The following SGMS1 variants were observed in gnomAD, a reference collection of about 807,000 sequenced individuals.
SGMS1 encodes phosphatidylcholine:ceramide cholinephosphotransferase 1.
Under a neutral mutation model 46.2 loss-of-function variants are expected in SGMS1, and 13 were observed. That is an observed-to-expected ratio of 0.28 (90% CI 0.18 to 0.45). The LOEUF is 0.45. SGMS1 is among the 20% of genes least tolerant of loss of function. The probability of loss-of-function intolerance (pLI) is 1.00; values close to 1 mark genes in which losing one functional copy is unlikely to be tolerated. For missense variants in SGMS1, 324 were observed against 519.9 expected, an observed-to-expected ratio of 0.62 and a Z score of 3.66; for synonymous variants, 203 against 187.8, an observed-to-expected ratio of 1.08 and a Z score of -0.66.
At chr10:50,516,658 C>T (rs974238241) in intron 3 of SGMS1, among the ~76,000 whole-genome samples, 2 of 152,050 alleles carry the variant, frequency 1.3e-5, no homozygotes, top group African/African-American at 2.4e-5. Flanking sequence ...CACTCTTGCA[C>T]TATTTTCTTT....
intron 6 of SGMS1, among the ~76,000 whole-genome samples, chr10:50,384,447 T>C (rs1185402907): frequency 6.9e-6 from 1 of 144,108 alleles, no homozygotes; most frequent in Non-Finnish European, 1.5e-5. Flanking sequence ...CTCTTTCCTC[T>C]CTTTCTCTCC....
intron 2 of SGMS1, among the ~76,000 whole-genome samples, chr10:50,530,045 CA>C (rs1485366619): frequency 6.6e-6 from 1 of 152,124 alleles, no homozygotes; most frequent in East Asian, 1.9e-4. Flanking sequence ...CCTAAATAGC[CA>C]CCGTCTTTCT....
chr10:50,588,721 ATTTTTTTT>A (rs71029314), intron 2 of SGMS1, among the ~76,000 whole-genome samples: 26 of 92,234 alleles, frequency 2.8e-4, no homozygotes, highest in African/African-American at 8.2e-4. Flanking sequence ...GACTGATCTA[ATTTTTTTT>A]TTTTTTTTTT....
chr10:50,475,161 A>G (rs776380804), intron 3 of SGMS1, among the ~76,000 whole-genome samples: 12 of 152,244 alleles, frequency 7.9e-5, no homozygotes, highest in Non-Finnish European at 1.6e-4. Flanking sequence ...ATTCTTGTCC[A>G]TAGCAATGTA....
chr10:50,333,060 C>A (rs115798084), intron 7 of SGMS1, among the ~76,000 whole-genome samples: 79 of 152,192 alleles, frequency 5.2e-4, no homozygotes, highest in African/African-American at 1.9e-3. Flanking sequence ...ATGTCCCCAA[C>A]TGGACAGAGC....
intron 6 of SGMS1, among the ~76,000 whole-genome samples, chr10:50,402,813 G>A (rs2133545496): frequency 6.6e-6 from 1 of 151,980 alleles, no homozygotes; most frequent in East Asian, 1.9e-4. Flanking sequence ...AGTGAAGTCT[G>A]GGATATTAGC....
At chr10:50,592,775 T>C (rs1006944045) in intron 1 of SGMS1, among the ~76,000 whole-genome samples, 1 of 152,252 alleles carries the variant, frequency 6.6e-6, no homozygotes, top group Admixed American at 6.5e-5. Context: ...TCAGTATCTA[T>C]AAAACTTTTC....
intron 8 of SGMS1, among the ~76,000 whole-genome samples, chr10:50,313,227 G>C (rs943341063): frequency 5.9e-5 from 9 of 152,200 alleles, no homozygotes; most frequent in Non-Finnish European, 1.3e-4. Context: ...GATGGGGTCG[G>C]AGGGTAGGGA....
At chr10:50,533,202 G>A (rs564145099) in intron 2 of SGMS1, among the ~76,000 whole-genome samples, 1 of 152,192 alleles carries the variant, frequency 6.6e-6, no homozygotes, top group East Asian at 1.9e-4. Context: ...CAATCTCACC[G>A]AAATCTTTGA....
intron 3 of SGMS1, among the ~76,000 whole-genome samples, chr10:50,475,295 A>G (rs1482549960): frequency 6.6e-6 from 1 of 152,234 alleles, no homozygotes; most frequent in Non-Finnish European, 1.5e-5. Flanking sequence ...CATTTATTTC[A>G]GCATTCCTGG....
upstream of SGMS1, chr10:50,624,850 A>G (rs915774942): frequency 4.0e-6 from 4 of 992,930 alleles, no homozygotes; most frequent in Admixed American, 6.1e-5. Flanking sequence ...AGGCAGCCCG[A>G]GGCCGTGCCT....
chr10:50,470,231 C>T (rs1448040462), intron 3 of SGMS1, among the ~76,000 whole-genome samples: 3 of 152,106 alleles, frequency 2.0e-5, no homozygotes, highest in Non-Finnish European at 2.9e-5. Context: ...ATTAAAACTG[C>T]ATTTTATTAG....
intron 2 of SGMS1, among the ~76,000 whole-genome samples, chr10:50,563,563 G>C (rs1838260732): frequency 6.6e-6 from 1 of 151,178 alleles, no homozygotes; most frequent in Non-Finnish European, 1.5e-5. Flanking sequence ...CTAAAACGGT[G>C]AAACCCCGTC....
At chr10:50,509,623 G>C (rs1837737151) in intron 3 of SGMS1, among the ~76,000 whole-genome samples, 2 of 152,148 alleles carry the variant, frequency 1.3e-5, no homozygotes. Context: ...ACTAACGCTA[G>C]AATCAGCAGC....
chr10:50,311,186 A>T, intron 9 of SGMS1, 76 bp downstream of exon 9: 1 of 1,537,944 alleles, frequency 6.5e-7, no homozygotes, highest in Non-Finnish European at 8.8e-7. Flanking sequence ...TTTCCAGAAA[A>T]TGAGCTTTAC....
intron 7 of SGMS1, among the ~76,000 whole-genome samples, chr10:50,328,449 C>T (rs1847564152): frequency 6.6e-6 from 1 of 152,124 alleles, no homozygotes; most frequent in South Asian, 2.1e-4. Context: ...GATGGGCATA[C>T]CTACTGAGGT....
chr10:50,341,992 A>G (rs1057349087), intron 7 of SGMS1, among the ~76,000 whole-genome samples: 1 of 152,232 alleles, frequency 6.6e-6, no homozygotes, highest in African/African-American at 2.4e-5. Flanking sequence ...ATTGTGGGGT[A>G]GTAAATTATT....
intron 2 of SGMS1, among the ~76,000 whole-genome samples, chr10:50,587,633 ATGTGTGTGTG>A (rs35240090): frequency 5.1e-4 from 71 of 138,262 alleles, no homozygotes; most frequent in African/African-American, 1.2e-3. Context: ...CAAAATATAT[ATGTGTGTGTG>A]TGTGTGTGTG....
chr10:50,353,165 T>C (rs1224938898), intron 6 of SGMS1, among the ~76,000 whole-genome samples: 2 of 152,268 alleles, frequency 1.3e-5, no homozygotes, highest in East Asian at 3.8e-4. Context: ...ATGTCCCTGA[T>C]GAACATCGAT....
Sources: gnomAD v4.1 joint callset for allele counts (sites outside exome capture counted in the v4.1 genomes callset) on GRCh38, gnomAD v4.1.1 for gene constraint, MANE v1.5 for transcripts, NCBI Gene and HGNC (gene_info 2026-07-23, HGNC 2026-07-21) for gene names.